MYO1E: variants seen among roughly 807,000 people sequenced by gnomAD.
MYO1E encodes the protein unconventional myosin-Ie.
MYO1E carries 68 observed loss-of-function variants against 151.1 expected under a neutral mutation model. The ratio of observed to expected loss-of-function variants is 0.45; its 90% CI spans 0.37 to 0.55. The LOEUF is 0.55. MYO1E is among the 20% of genes least tolerant of loss of function. The probability of loss-of-function intolerance (pLI) is 0.00; values close to 1 mark genes in which losing one functional copy is unlikely to be tolerated. For synonymous variants in MYO1E, 601 were observed against 501.7 expected, an observed-to-expected ratio of 1.20 and a Z score of -2.64; for missense variants, 1,363 against 1,389.3, an observed-to-expected ratio of 0.98 and a Z score of 0.30.
intron 9 of MYO1E, among the ~76,000 whole-genome samples, chr15:59,219,158 G>C (rs1343520118): frequency 6.6e-6 from 1 of 152,292 alleles, no homozygotes; most frequent in South Asian, 2.1e-4. Flanking sequence ...GAAAAACGGA[G>C]ACTTCCATAG....
intron 26 of MYO1E, among the ~76,000 whole-genome samples, chr15:59,152,219 C>G (rs2079485650): frequency 6.6e-6 from 1 of 152,310 alleles, no homozygotes; most frequent in African/African-American, 2.4e-5. Context: ...GAGCGAGACC[C>G]TGTCTCAAAA....
chr15:59,361,992 A>G (rs1482960918), intron 1 of MYO1E, among the ~76,000 whole-genome samples: 1 of 151,848 alleles, frequency 6.6e-6, no homozygotes, highest in East Asian at 1.9e-4. Context: ...GTCTACCACC[A>G]CGCCAGGCTA....
chr15:59,255,140 G>A (rs189246641), intron 4 of MYO1E, among the ~76,000 whole-genome samples: 191 of 151,702 alleles, frequency 1.3e-3, no homozygotes, highest in Non-Finnish European at 2.0e-3. Flanking sequence ...TTTGAGACAG[G>A]GTCTTGCTCT....
intron 22 of MYO1E, among the ~76,000 whole-genome samples, chr15:59,164,917 A>G (rs2079555797): frequency 6.6e-6 from 1 of 152,192 alleles, no homozygotes; most frequent in Non-Finnish European, 1.5e-5. Context: ...ATTAAGTTAC[A>G]AGGAAGAGGT....
chr15:59,372,138 T>G (rs2140448482), intron 1 of MYO1E, among the ~76,000 whole-genome samples: 1 of 151,060 alleles, frequency 6.6e-6, no homozygotes, highest in Non-Finnish European at 1.5e-5. Flanking sequence ...GCACCTCCCC[T>G]GCCGGCTGCG....
Position 59,218,012 on chromosome 15 carries a change from T to C in MYO1E, c.986A>G (p.Asp329Gly). The C allele has an allele frequency of 6.2e-7, 1 of 1,614,234 alleles. No individual in the cohort carries two copies. The highest frequency in any genetic ancestry group is 8.5e-7 in the Non-Finnish European group (1 of 1,180,032). The change falls in exon 10 of 28, where the codon GAT (aspartate) becomes GGT (glycine). Residue 329 changes from aspartate to glycine, a missense_variant. Asp to Gly is a moderately conservative substitution (Grantham distance 94). Coordinates refer to ENST00000288235, the MANE Select transcript of MYO1E (RefSeq NM_004998.4). ...TTCGGATTTGCCTCCCCACTTGCTA[T>C]CCATCTGCCGGCTTGTTAGCTTTTC... ...LKEKLTSRQM[D>G]SKWGGKSESI...
chr15:59,210,350 C>T (rs548456566), intron 13 of MYO1E, among the ~76,000 whole-genome samples, 164 bp downstream of exon 13: 5 of 152,062 alleles, frequency 3.3e-5, no homozygotes, highest in South Asian at 2.1e-4. Flanking sequence ...AGAATAAAGC[C>T]GTACTGTTCT....
chr15:59,306,935 C>T (rs2080518134), intron 1 of MYO1E, among the ~76,000 whole-genome samples: 1 of 152,200 alleles, frequency 6.6e-6, no homozygotes, highest in Admixed American at 6.5e-5. Flanking sequence ...TTGCAGCAAG[C>T]GTTCTCATTC....
At chr15:59,361,009 G>T (rs116576175) in intron 1 of MYO1E, among the ~76,000 whole-genome samples, 3,531 of 152,304 alleles carry the variant, frequency 0.023, 118 homozygotes, top group African/African-American at 0.067. Context: ...GTTGAAAAAT[G>T]TGTGTGCCCT....
intron 1 of MYO1E, among the ~76,000 whole-genome samples, chr15:59,314,563 A>G (rs546717947): frequency 2.6e-5 from 4 of 152,198 alleles, no homozygotes; most frequent in African/African-American, 9.6e-5. Flanking sequence ...GAAATGGTAT[A>G]ATGGAAAGAT....
chr15:59,201,037 A>G (rs531278719), intron 16 of MYO1E, among the ~76,000 whole-genome samples: 135 of 152,302 alleles, frequency 8.9e-4, no homozygotes, highest in Non-Finnish European at 4.7e-4. Context: ...CTTAACCAGT[A>G]TGATTTTAAA....
intron 1 of MYO1E, among the ~76,000 whole-genome samples, chr15:59,372,128 G>C (rs2080949519): frequency 6.6e-6 from 1 of 151,286 alleles, no homozygotes; most frequent in African/African-American, 2.4e-5. Context: ...GAGTCTCCGA[G>C]CACCTCCCCT....
chr15:59,326,836 C>T (rs1159973792), intron 1 of MYO1E, among the ~76,000 whole-genome samples: 2 of 152,202 alleles, frequency 1.3e-5, no homozygotes, highest in Non-Finnish European at 2.9e-5. Context: ...AAACACAACT[C>T]GAAAGCGACC....
chr15:59,333,808 G>A (rs1373583227), intron 1 of MYO1E, among the ~76,000 whole-genome samples: 14 of 151,886 alleles, frequency 9.2e-5, no homozygotes, highest in African/African-American at 3.1e-4. Flanking sequence ...AATATTTTTT[G>A]AGCTTCCACT....
chr15:59,175,228 G>C lies in MYO1E; in HGVS notation c.2050-988C>G, dbSNP rs190151798. Among the ~76,000 whole-genome samples the C allele has an allele frequency of 7.2e-3, 1,089 of 152,266 alleles. 8 individuals carry two copies. The highest frequency in any genetic ancestry group is 0.011 in the Non-Finnish European group (779 of 68,018). On this transcript the variant is annotated intron_variant, in intron 19 of 27. Coordinates refer to ENST00000288235, the MANE Select transcript of MYO1E (RefSeq NM_004998.4). ...AAGCTTTCTCTGTAAATCTGCACTT[G>C]ATCCACTTGTAAAATAGTAGGAAAC...
intron 1 of MYO1E, among the ~76,000 whole-genome samples, chr15:59,317,130 A>G (rs1465079598): frequency 6.6e-6 from 1 of 152,192 alleles, no homozygotes; most frequent in Non-Finnish European, 1.5e-5. Context: ...TCATCCATCC[A>G]TCTACTCGAT....
chr15:59,321,452 T>A (rs961655930), intron 1 of MYO1E, among the ~76,000 whole-genome samples: 1 of 152,188 alleles, frequency 6.6e-6, no homozygotes, highest in East Asian at 1.9e-4. Flanking sequence ...CAACAGTGAA[T>A]TGGATAAAGG....
chr15:59,230,833 C>T (rs1420203782), intron 6 of MYO1E, among the ~76,000 whole-genome samples: 4 of 152,138 alleles, frequency 2.6e-5, no homozygotes, highest in African/African-American at 7.2e-5. Context: ...TATTTTAAAA[C>T]GTTCCAGAAT....
At chr15:59,363,341 G>A (rs913752661) in intron 1 of MYO1E, among the ~76,000 whole-genome samples, 3 of 152,140 alleles carry the variant, frequency 2.0e-5, no homozygotes, top group Non-Finnish European at 4.4e-5. Flanking sequence ...CTATGGCAAA[G>A]TCCCAAAGCA....
Sources: allele counts gnomAD v4.1 joint callset (sites outside exome capture counted in the v4.1 genomes callset), GRCh38; gene constraint gnomAD v4.1.1; transcripts MANE v1.5; gene names NCBI Gene and HGNC (gene_info 2026-07-23, HGNC 2026-07-21).